WDR20: variants seen among roughly 807,000 people sequenced by gnomAD.
The protein encoded by WDR20 is WD repeat domain 20, also known as WD repeat-containing protein 20.
Under a neutral mutation model 38.7 loss-of-function variants are expected in WDR20, and 3 were observed. That is an observed-to-expected ratio of 0.08 (90% CI 0.04 to 0.20). The LOEUF (loss-of-function observed/expected upper bound fraction) is 0.20, where lower values mean the gene tolerates loss of function less well. Among genes scored for constraint, WDR20 ranks in the 10% least tolerant of loss-of-function variants. The pLI is 1.00. For synonymous variants in WDR20, 298 were observed against 285.6 expected (o/e 1.04, Z -0.44); for missense variants, 559 against 727.7 (o/e 0.77, Z 2.67).
At position 102,206,134 on chromosome 14, in the gene WDR20, G is replaced by A. The variant is rs117080921; in HGVS notation, c.433-2469G>A. 3.8e-3 allele frequency among the ~76,000 whole-genome samples: 576 copies of A among 152,182 alleles called. 2 individuals are homozygous for A. The highest frequency in any genetic ancestry group is 6.6e-3 in the East Asian group (34 of 5,180). ...CCAGAGCAGCTGGGATTACAGGTTC[G>A]CACTACCATGCCCAGCTAATTTTTG... On this transcript the variant is annotated intron_variant, in intron 2 of 2. Coordinates refer to ENST00000342702, the MANE Select transcript of WDR20 (RefSeq NM_144574.4).
At chr14:102,193,414 C>T (rs776952473) in intron 1 of WDR20, 6 of 1,579,450 alleles carry the variant, frequency 3.8e-6, no homozygotes, top group Non-Finnish European at 4.3e-6. Flanking sequence ...CTTTGTATTA[C>T]ACTTTTCAAG....
At chr14:102,160,670 C>A (rs955505971) in intron 1 of WDR20, among the ~76,000 whole-genome samples, 1 of 151,790 alleles carries the variant, frequency 6.6e-6, no homozygotes, top group Non-Finnish European at 1.5e-5. Context: ...TGGCCGGGCG[C>A]GGTGGCTCAC....
rs1275447630 is a variant in WDR20 at position 102,208,187 on chromosome 14, T to C, written c.433-416T>C. Among the ~76,000 whole-genome samples the C allele has an allele frequency of 6.6e-6, 1 of 152,240 alleles. No homozygotes were observed. Among genetic ancestry groups the C allele is most frequent in the African/African-American group, 2.4e-5 (1 of 41,474 alleles). On this transcript the variant is annotated intron_variant, in intron 2 of 2. Coordinates refer to ENST00000342702, the MANE Select transcript of WDR20 (RefSeq NM_144574.4). This position sits in a 1 kb window ranked among gnomAD's most constrained non-coding sequence, Gnocchi z 5.6. ...GCAGAGCCCTCCTGGCTGTGAGGAC[T>C]CACAGGCTTCACCTGCAGGTCCTCG...
chr14:102,158,324 TCTCA>T (rs1451887881), intron 1 of WDR20, among the ~76,000 whole-genome samples: 1 of 151,434 alleles, frequency 6.6e-6, no homozygotes, highest in African/African-American at 2.4e-5. Flanking sequence ...TAAGATGGAG[TCTCA>T]CTCTTGTTGC....
downstream of WDR20, among the ~76,000 whole-genome samples, chr14:102,219,945 T>G (rs1162711729): frequency 6.6e-6 from 1 of 152,222 alleles, no homozygotes; most frequent in Non-Finnish European, 1.5e-5. Context: ...GTGGTTCTAG[T>G]TGGCTCCTAG....
intron 1 of WDR20, among the ~76,000 whole-genome samples, chr14:102,181,266 G>A (rs1414451831): frequency 6.6e-6 from 1 of 152,208 alleles, no homozygotes; most frequent in Non-Finnish European, 1.5e-5. Context: ...ACTGTCTGAT[G>A]TAGAAGCAAG....
chr14:102,203,272 G>A (rs1409562570), intron 2 of WDR20, among the ~76,000 whole-genome samples: 3 of 152,068 alleles, frequency 2.0e-5, no homozygotes, highest in Non-Finnish European at 4.4e-5. Context: ...TAAAAACCAG[G>A]TGAAATTAAT....
intron 1 of WDR20, among the ~76,000 whole-genome samples, chr14:102,188,957 A>G (rs2065598364): frequency 6.6e-6 from 1 of 151,716 alleles, no homozygotes; most frequent in African/African-American, 2.4e-5. Context: ...CATGCCTGTA[A>G]TCCCACCACT....
intron 1 of WDR20, among the ~76,000 whole-genome samples, chr14:102,144,661 C>G (rs754557910): frequency 1.8e-4 from 27 of 151,866 alleles, no homozygotes; most frequent in Non-Finnish European, 3.1e-4. Flanking sequence ...CTTTGAATCC[C>G]CATGGTGTAT....
intron 1 of WDR20, among the ~76,000 whole-genome samples, chr14:102,179,840 T>C (rs2062987323): frequency 6.6e-6 from 1 of 151,662 alleles, no homozygotes; most frequent in Non-Finnish European, 1.5e-5. Flanking sequence ...TTAAAAAATG[T>C]AAATTGATAC....
At chr14:102,161,150 T>A (rs1234735521) in intron 1 of WDR20, among the ~76,000 whole-genome samples, 74 of 23,188 alleles carry the variant, frequency 3.2e-3, no homozygotes, top group East Asian at 0.021. Context: ...ATATTTTTTT[T>A]TTTTTTTTTT....
At chr14:102,181,934 C>G (rs1198522802) in intron 1 of WDR20, among the ~76,000 whole-genome samples, 1 of 152,172 alleles carries the variant, frequency 6.6e-6, no homozygotes, top group African/African-American at 2.4e-5. Context: ...ACTACAAATA[C>G]ACCTCCTTTC....
intron 2 of WDR20, among the ~76,000 whole-genome samples, chr14:102,200,929 G>A (rs975948306): frequency 5.3e-5 from 8 of 152,208 alleles, no homozygotes; most frequent in Admixed American, 1.3e-4. Context: ...CCCAGGCTGC[G>A]TGGCACATCC....
intron 1 of WDR20, among the ~76,000 whole-genome samples, chr14:102,158,770 C>T (rs1368793240): frequency 6.6e-6 from 1 of 152,086 alleles, no homozygotes; most frequent in East Asian, 1.9e-4. Flanking sequence ...GATGCCTTCC[C>T]TTCTATTTTT....
intron 1 of WDR20, among the ~76,000 whole-genome samples, chr14:102,166,108 C>A (rs2059724922): frequency 6.6e-6 from 1 of 151,206 alleles, no homozygotes. Flanking sequence ...TCCCCCATCC[C>A]CCACCCCCCT....
intron 2 of WDR20, among the ~76,000 whole-genome samples, chr14:102,201,621 C>G (rs994553603): frequency 6.7e-6 from 1 of 150,246 alleles, no homozygotes; most frequent in Non-Finnish European, 1.5e-5. Flanking sequence ...TGGGGAGGGC[C>G]GCGCTGAGCG....
downstream of WDR20, chr14:102,214,359 A>G (rs2062946245): frequency 1.0e-6 from 1 of 985,308 alleles, no homozygotes; most frequent in Non-Finnish European, 1.2e-6. Context: ...CAAAGGGAGG[A>G]GACATTAGTC....
At chr14:102,181,190 A>T (rs1197348398) in intron 1 of WDR20, among the ~76,000 whole-genome samples, 4 of 152,128 alleles carry the variant, frequency 2.6e-5, no homozygotes, top group Non-Finnish European at 5.9e-5. Flanking sequence ...AGTTTGGGTA[A>T]GTCTTCTGTA....
intron 1 of WDR20, among the ~76,000 whole-genome samples, chr14:102,188,361 T>G (rs1566969098): frequency 6.6e-6 from 1 of 151,862 alleles, no homozygotes; most frequent in Non-Finnish European, 1.5e-5. Context: ...CCCTCTCGGG[T>G]TCAAGTCCTT....
Sources: gnomAD v4.1 joint callset for allele counts (sites outside exome capture counted in the v4.1 genomes callset) on GRCh38, gnomAD v4.1.1 for gene constraint, Gnocchi (gnomAD v3.1) non-coding constraint, MANE v1.5 for transcripts, NCBI Gene and HGNC (gene_info 2026-07-23, HGNC 2026-07-21) for gene names.